Variants in GALNT17 observed in about 807,000 individuals in gnomAD.
GALNT17 encodes UDP-GalNAc:polypeptide N-acetylgalactosaminyltransferase-like 3.
Under a neutral mutation model 63.7 loss-of-function variants are expected in GALNT17, and 29 were observed. The ratio of observed to expected loss-of-function variants is 0.46; its 90% CI spans 0.34 to 0.62. The LOEUF (loss-of-function observed/expected upper bound fraction) is 0.62. GALNT17 is among the 20% of genes least tolerant of loss of function. The probability of loss-of-function intolerance (pLI) is 0.01; values close to 1 mark genes in which losing one functional copy is unlikely to be tolerated. For synonymous variants in GALNT17, 305 were observed against 318.3 expected (o/e 0.96, Z 0.45); for missense variants, 603 against 799.6 (o/e 0.75, Z 2.97).
At chr7:71,392,759 G>C (rs147199740) in intron 3 of GALNT17, among the ~76,000 whole-genome samples, 1 of 152,238 alleles carries the variant, frequency 6.6e-6, no homozygotes, top group African/African-American at 2.4e-5. Flanking sequence ...CCAGGGGACC[G>C]GGAGTTGACG....
At chr7:71,361,832 G>A (rs1468927878) in intron 2 of GALNT17, among the ~76,000 whole-genome samples, 1 of 152,132 alleles carries the variant, frequency 6.6e-6, no homozygotes, top group African/African-American at 2.4e-5. Flanking sequence ...GAGTGGGCAG[G>A]CAGGAAGATA....
chr7:71,237,529 A>G (rs564536103), intron 1 of GALNT17, among the ~76,000 whole-genome samples: 3,930 of 150,736 alleles, frequency 0.026, 172 homozygotes, highest in African/African-American at 0.09. Context: ...AAAAAAAAAA[A>G]AAAGAAAAAA....
At chr7:71,298,166 G>T (rs151261173) in intron 1 of GALNT17, among the ~76,000 whole-genome samples, 3 of 152,018 alleles carry the variant, frequency 2.0e-5, no homozygotes, top group African/African-American at 7.2e-5. Flanking sequence ...GATTACAGGC[G>T]TGCGCCACCA....
chr7:71,314,362 G>GC (rs1188481197), intron 1 of GALNT17, among the ~76,000 whole-genome samples: 2 of 151,954 alleles, frequency 1.3e-5, no homozygotes, highest in Non-Finnish European at 2.9e-5. Context: ...GAACAGTGCA[G>GC]CCCCCCAAAA....
intron 3 of GALNT17, among the ~76,000 whole-genome samples, chr7:71,397,143 A>G (rs934732153): frequency 1.3e-5 from 2 of 152,168 alleles, no homozygotes; most frequent in African/African-American, 4.8e-5. Flanking sequence ...ATTTTTAAAA[A>G]TGTATTTATT....
chr7:71,164,989 T>A (rs1206447489), intron 1 of GALNT17, among the ~76,000 whole-genome samples: 3 of 152,214 alleles, frequency 2.0e-5, no homozygotes, highest in Non-Finnish European at 4.4e-5. Flanking sequence ...AAGAAATCAA[T>A]AAAATTAACT....
intron 8 of GALNT17, among the ~76,000 whole-genome samples, chr7:71,673,531 G>A (rs549377785): frequency 6.6e-6 from 1 of 152,316 alleles, no homozygotes; most frequent in South Asian, 2.1e-4. Context: ...ACTTTGGGCA[G>A]TTTTGCAAGT....
intron 1 of GALNT17, among the ~76,000 whole-genome samples, chr7:71,257,451 C>G (rs10275553): frequency 6.6e-6 from 1 of 152,150 alleles, no homozygotes; most frequent in East Asian, 1.9e-4. Flanking sequence ...AGCCAGCACT[C>G]CCCTCCACTG....
intron 5 of GALNT17, among the ~76,000 whole-genome samples, chr7:71,503,209 C>T (rs1308102903): frequency 2.0e-5 from 3 of 152,186 alleles, no homozygotes; most frequent in South Asian, 2.1e-4. Context: ...TACACGATCA[C>T]ATGTCAATGA....
intron 1 of GALNT17, among the ~76,000 whole-genome samples, chr7:71,288,971 A>G (rs1225252359): frequency 6.6e-6 from 1 of 152,170 alleles, no homozygotes; most frequent in Non-Finnish European, 1.5e-5. Flanking sequence ...TGCCCATTTT[A>G]TGTATGGGGA....
intron 6 of GALNT17, among the ~76,000 whole-genome samples, chr7:71,576,570 G>GT (rs1271065152): frequency 7.5e-5 from 7 of 93,702 alleles, no homozygotes; most frequent in African/African-American, 1.6e-4. Context: ...TGTGTGTTTT[G>GT]TTTGTTTGTT....
At chr7:71,385,691 T>A (rs1367162798) in intron 2 of GALNT17, among the ~76,000 whole-genome samples, 1 of 151,182 alleles carries the variant, frequency 6.6e-6, no homozygotes, top group Non-Finnish European at 1.5e-5. Flanking sequence ...GGGAATACTT[T>A]GCCCCCAGCA....
chr7:71,269,641 G>A (rs957669021), intron 1 of GALNT17, among the ~76,000 whole-genome samples: 6 of 152,290 alleles, frequency 3.9e-5, no homozygotes, highest in Middle Eastern at 3.4e-3. Flanking sequence ...GACTGGGGAG[G>A]GGCAGGAAGC....
intron 6 of GALNT17, among the ~76,000 whole-genome samples, chr7:71,628,899 C>T (rs2140888): frequency 1 from 152,198 of 152,214 alleles, 76,091 homozygotes; most frequent in Middle Eastern, 1. Context: ...GCCACTGCAC[C>T]TCAGCCTGGA....
At chr7:71,641,860 C>CTGA (rs1562719945) in intron 6 of GALNT17, among the ~76,000 whole-genome samples, 2 of 151,546 alleles carry the variant, frequency 1.3e-5, no homozygotes, top group African/African-American at 2.4e-5. Context: ...GCTGCTGCTG[C>CTGA]TGATGATGAT....
chr7:71,617,055 T>C (rs1790221099), intron 6 of GALNT17, among the ~76,000 whole-genome samples: 1 of 147,304 alleles, frequency 6.8e-6, no homozygotes, highest in Non-Finnish European at 1.5e-5. Flanking sequence ...ATATTAATTA[T>C]GCCACATATA....
intron 6 of GALNT17, among the ~76,000 whole-genome samples, chr7:71,606,124 T>C (rs2116943948): frequency 6.6e-6 from 1 of 150,448 alleles, no homozygotes; most frequent in African/African-American, 2.4e-5. Flanking sequence ...ATTTTTTTTT[T>C]TTTTTTTTTT....
intron 5 of GALNT17, among the ~76,000 whole-genome samples, chr7:71,438,333 T>C (rs1428840905): frequency 1.3e-5 from 2 of 152,180 alleles, no homozygotes; most frequent in Non-Finnish European, 1.5e-5. Context: ...GCTAAGCTAG[T>C]CTAGTCATTT....
At chr7:71,289,646 G>A (rs548226631) in intron 1 of GALNT17, among the ~76,000 whole-genome samples, 4 of 152,242 alleles carry the variant, frequency 2.6e-5, no homozygotes, top group East Asian at 3.9e-4. Context: ...TTGGGAGGCC[G>A]AGGCAGGCGG....
Sources: gnomAD v4.1 joint callset for allele counts (sites outside exome capture counted in the v4.1 genomes callset) on GRCh38, gnomAD v4.1.1 for gene constraint, MANE v1.5 for transcripts, NCBI Gene and HGNC (gene_info 2026-07-23, HGNC 2026-07-21) for gene names.